LHPP: variants seen among roughly 807,000 people sequenced by gnomAD.
The protein encoded by LHPP is phospholysine phosphohistidine inorganic pyrophosphate phosphatase.
LHPP carries 24 observed loss-of-function variants against 30.3 expected under a neutral mutation model. The ratio of observed to expected loss-of-function variants is 0.79; its 90% CI spans 0.57 to 1.11. LHPP has a LOEUF of 1.11. LHPP is among the 50% of genes most tolerant of loss of function. The pLI, the probability that LHPP is intolerant of heterozygous loss-of-function variation, is 0.00. For missense variants in LHPP, 356 were observed against 367.2 expected (o/e 0.97, Z 0.25); for synonymous variants, 150 against 157.1 (o/e 0.95, Z 0.34).
chr10:124,468,198 T>C (rs1222542612), intron 1 of LHPP, among the ~76,000 whole-genome samples: 1 of 152,218 alleles, frequency 6.6e-6, no homozygotes, highest in East Asian at 1.9e-4. Flanking sequence ...AAGGGTTCTG[T>C]TAACTTCTCT....
chr10:124,556,737 G>T (rs1450280715), intron 6 of LHPP, among the ~76,000 whole-genome samples: 1 of 152,168 alleles, frequency 6.6e-6, no homozygotes, highest in Non-Finnish European at 1.5e-5. Context: ...AATGGGAAAA[G>T]AATGGGATCT....
intron 2 of LHPP, 141 bp from the exon 3 acceptor site, chr10:124,488,281 C>A: frequency 1.3e-6 from 1 of 753,170 alleles, no homozygotes; most frequent in Non-Finnish European, 2.2e-6. Context: ...GTGTCTACCT[C>A]CCATGGCAGC....
chr10:124,489,798 C>A, intron 3 of LHPP: 1 of 189,996 alleles, frequency 5.3e-6, no homozygotes, highest in South Asian at 8.4e-5. Context: ...TAAGTTTATT[C>A]AATGCAAAAT....
intron 6 of LHPP, among the ~76,000 whole-genome samples, chr10:124,591,067 C>G (rs780273090): frequency 6.6e-6 from 1 of 151,882 alleles, no homozygotes; most frequent in Non-Finnish European, 1.5e-5. Context: ...GAGGGGGTAG[C>G]GTGTGCAGGA....
chr10:124,472,837 C>T (rs999406022), intron 1 of LHPP, among the ~76,000 whole-genome samples: 3 of 152,176 alleles, frequency 2.0e-5, no homozygotes, highest in Non-Finnish European at 2.9e-5. Flanking sequence ...GGATTACAGG[C>T]GTGAGCCACT....
At chr10:124,534,069 TG>T (rs1954961577) in intron 6 of LHPP, among the ~76,000 whole-genome samples, 1 of 151,146 alleles carries the variant, frequency 6.6e-6, no homozygotes, top group South Asian at 2.1e-4. Flanking sequence ...GTGGGGAGCT[TG>T]GGGGCAGTGG....
At chr10:124,594,429 T>C (rs928574423) in intron 6 of LHPP, among the ~76,000 whole-genome samples, 1 of 151,760 alleles carries the variant, frequency 6.6e-6, no homozygotes, top group Non-Finnish European at 1.5e-5. Flanking sequence ...TCCAGTTTCC[T>C]GCCAGCCCCC....
chr10:124,607,808 G>A (rs1426715977), intron 6 of LHPP, among the ~76,000 whole-genome samples: 1 of 152,190 alleles, frequency 6.6e-6, no homozygotes, highest in Non-Finnish European at 1.5e-5. Context: ...GAAATCAGAT[G>A]GGAACTGGCT....
intron 1 of LHPP, 26 bp from the exon 2 acceptor site, chr10:124,484,113 C>T: frequency 1.2e-6 from 2 of 1,609,580 alleles, no homozygotes; most frequent in Non-Finnish European, 1.7e-6. Context: ...TGCTGACTTC[C>T]CGGGCCTGTG....
chr10:124,533,743 G>A (rs553810941), intron 6 of LHPP, among the ~76,000 whole-genome samples: 108 of 152,342 alleles, frequency 7.1e-4, no homozygotes, highest in Non-Finnish European at 1.1e-3. Context: ...GGCACTTGCC[G>A]TGTGCTCCGC....
At chr10:124,474,836 C>A (rs72835586) in intron 1 of LHPP, among the ~76,000 whole-genome samples, 3,637 of 152,174 alleles carry the variant, frequency 0.024, 72 homozygotes, top group Middle Eastern at 0.051. Flanking sequence ...TAAACTTTCC[C>A]CTCTTTCTAA....
At chr10:124,462,047 G>C in intron 1 of LHPP, 60 bp downstream of exon 1, 2 of 1,182,978 alleles carry the variant, frequency 1.7e-6, no homozygotes, top group Non-Finnish European at 2.1e-6. Context: ...CCGCTCCCTG[G>C]CTGCCGGCAG....
At chr10:124,526,913 A>C (rs971584589) in intron 6 of LHPP, among the ~76,000 whole-genome samples, 6 of 152,240 alleles carry the variant, frequency 3.9e-5, no homozygotes, top group African/African-American at 1.2e-4. Context: ...AAGCAGGGGA[A>C]GAAGGGGCCC....
rs560708659 is a variant in LHPP at position 124,590,210 on chromosome 10, G to A, written c.717-23054G>A. 6.6e-6 allele frequency among the ~76,000 whole-genome samples: 1 copy of A among 152,254 alleles called. No homozygotes were observed. The highest frequency in any genetic ancestry group is 2.4e-5 in the African/African-American group (1 of 41,550). On this transcript the variant is annotated intron_variant, in intron 6 of 6. Coordinates refer to ENST00000368842, the MANE Select transcript of LHPP (RefSeq NM_022126.4). The surrounding 1 kb of genome is among the most constrained non-coding windows in gnomAD (Gnocchi z 4.3). ...TGAAATTGAAGTGGGAGAACATGGT[G>A]TGTGAGCATTATTGGGGGTGGGGTG...
chr10:124,598,823 C>G (rs1193156575), intron 6 of LHPP, among the ~76,000 whole-genome samples: 2 of 151,820 alleles, frequency 1.3e-5, no homozygotes, highest in East Asian at 3.9e-4. Flanking sequence ...CCATCCCCAT[C>G]CATCCATCTC....
At chr10:124,465,720 C>T (rs867727904) in intron 1 of LHPP, among the ~76,000 whole-genome samples, 2 of 152,164 alleles carry the variant, frequency 1.3e-5, no homozygotes, top group Non-Finnish European at 1.5e-5. Context: ...TGCCACCGTG[C>T]CCAGCTAATT....
intron 6 of LHPP, among the ~76,000 whole-genome samples, chr10:124,608,785 C>G (rs1949128673): frequency 6.6e-6 from 1 of 152,248 alleles, no homozygotes; most frequent in Non-Finnish European, 1.5e-5. Flanking sequence ...AGCCTGTCAT[C>G]TGTCCTCCAA....
At chr10:124,528,606 A>G (rs7915546) in intron 6 of LHPP, among the ~76,000 whole-genome samples, 2,056 of 151,962 alleles carry the variant, frequency 0.014, 51 homozygotes, top group African/African-American at 0.047. Context: ...TGATCTGCCC[A>G]CCTCAGCCTC....
intron 6 of LHPP, among the ~76,000 whole-genome samples, chr10:124,588,448 T>C (rs1240481004): frequency 6.6e-6 from 1 of 152,150 alleles, no homozygotes; most frequent in African/African-American, 2.4e-5. Context: ...CATGCCCGGC[T>C]AATTTTTGTA....
Sources: gnomAD v4.1 joint callset for allele counts (sites outside exome capture counted in the v4.1 genomes callset) on GRCh38, gnomAD v4.1.1 for gene constraint, Gnocchi (gnomAD v3.1) non-coding constraint, MANE v1.5 for transcripts, NCBI Gene and HGNC (gene_info 2026-07-23, HGNC 2026-07-21) for gene names.